The following AIG1 variants were observed in gnomAD, a reference collection of about 807,000 sequenced individuals.
The protein encoded by AIG1 is androgen induced 1.
AIG1 carries 23 observed loss-of-function variants against 31.4 expected under a neutral mutation model. The observed-to-expected ratio is 0.73, with a 90% CI of 0.53 to 1.04. The LOEUF is 1.04. Ranked by LOEUF, AIG1 falls within the 50% of genes least tolerant of loss-of-function variation. AIG1 has a pLI of 0.00. For missense variants in AIG1, 274 were observed against 295.0 expected, an observed-to-expected ratio of 0.93 and a Z score of 0.52; for synonymous variants, 100 against 110.5, an observed-to-expected ratio of 0.90 and a Z score of 0.60.
At chr6:143,308,782 T>C (rs1230153889) in intron 4 of AIG1, among the ~76,000 whole-genome samples, 4 of 152,200 alleles carry the variant, frequency 2.6e-5, no homozygotes, top group Non-Finnish European at 5.9e-5. Context: ...TGAAAACATT[T>C]ATGAATGAGT....
intron 3 of AIG1, among the ~76,000 whole-genome samples, chr6:143,209,440 G>A (rs758695675): frequency 3.5e-4 from 54 of 152,154 alleles, no homozygotes; most frequent in Non-Finnish European, 7.3e-4. Flanking sequence ...TATCTCAGGG[G>A]GCCTATTGTA....
intron 4 of AIG1, among the ~76,000 whole-genome samples, chr6:143,332,376 A>G (rs1302121112): frequency 6.6e-6 from 1 of 152,228 alleles, no homozygotes; most frequent in African/African-American, 2.4e-5. Context: ...TCATGTCAGG[A>G]CCAAGCCAAT....
At chr6:143,246,281 A>C (rs904009336) in intron 3 of AIG1, among the ~76,000 whole-genome samples, 23 of 152,194 alleles carry the variant, frequency 1.5e-4, no homozygotes, top group Non-Finnish European at 2.9e-5. Context: ...CAAAAAAAAA[A>C]AAGAGGTTTA....
At chr6:143,311,426 A>G (rs557364727) in intron 4 of AIG1, among the ~76,000 whole-genome samples, 1 of 152,050 alleles carries the variant, frequency 6.6e-6, no homozygotes, top group South Asian at 2.1e-4. Context: ...TTGTGTATCA[A>G]TTTAAAAATA....
At chr6:143,252,642 G>A (rs1254386692) in intron 3 of AIG1, among the ~76,000 whole-genome samples, 1 of 152,200 alleles carries the variant, frequency 6.6e-6, no homozygotes. Context: ...AGTAAGGTCA[G>A]AATGGTTAGA....
rs1329963016 is a variant in AIG1, at chr6:143,293,583, C to T, written c.515+9358C>T. 3.3e-5 allele frequency among the ~76,000 whole-genome samples: 5 copies of T among 152,174 alleles called. No individual in the cohort carries two copies. Among genetic ancestry groups the T allele is most frequent in the African/African-American group, 1.2e-4 (5 of 41,428 alleles). On this transcript the variant is annotated intron_variant, in intron 4 of 5. Coordinates refer to ENST00000357847, the MANE Select transcript of AIG1 (RefSeq NM_016108.4). The surrounding 1 kb of genome is among the most constrained non-coding windows in gnomAD (Gnocchi z 4.8). Reference sequence around the variant, plus strand: ...TGGTCAAATCAGCTTCTTAGACCTGCATCTGGACAGAAAAGGCTTGTGTAT... The same window carrying T: ...TGGTCAAATCAGCTTCTTAGACCTGTATCTGGACAGAAAAGGCTTGTGTAT...
intron 3 of AIG1, among the ~76,000 whole-genome samples, chr6:143,259,975 G>A (rs537750196): frequency 6.6e-6 from 1 of 151,784 alleles, no homozygotes; most frequent in African/African-American, 2.4e-5. Flanking sequence ...CATTGGAGAA[G>A]GGAGTAATGA....
Position 143,329,154 on chromosome 6 carries a change from C to G in AIG1, c.516-4128C>G, listed in dbSNP as rs1776866700. 6.6e-6 allele frequency among the ~76,000 whole-genome samples: 1 copy of G among 152,204 alleles called. No homozygotes were observed. The highest frequency in any genetic ancestry group is 6.5e-5 in the Admixed American group (1 of 15,272). ...TATCTGAGATGGTTTGATGACCTAACAAGTTAAGAAAACCAAACCAAAACA... is the reference window on the plus strand; with the variant it reads ...TATCTGAGATGGTTTGATGACCTAAGAAGTTAAGAAAACCAAACCAAAACA... On this transcript the variant is annotated intron_variant, in intron 4 of 5. Transcript: ENST00000357847. The surrounding 1 kb of genome is among the most constrained non-coding windows in gnomAD (Gnocchi z 4.9).
At chr6:143,285,622 C>A (rs571593415) in intron 4 of AIG1, among the ~76,000 whole-genome samples, 1 of 151,932 alleles carries the variant, frequency 6.6e-6, no homozygotes, top group African/African-American at 2.4e-5. Context: ...CGAGATCACG[C>A]AACTGCACTC....
intron 3 of AIG1, among the ~76,000 whole-genome samples, chr6:143,184,035 A>G (rs1465179944): frequency 1.3e-5 from 2 of 152,314 alleles, no homozygotes; most frequent in East Asian, 1.9e-4. Flanking sequence ...TGCATTTTCT[A>G]TCATAGAACC....
intron 2 of AIG1, among the ~76,000 whole-genome samples, chr6:143,137,467 G>A (rs983559662): frequency 3.3e-5 from 5 of 152,162 alleles, no homozygotes; most frequent in African/African-American, 9.7e-5. Context: ...ACACAATTCA[G>A]TCTATCAGTT....
intron 1 of AIG1, among the ~76,000 whole-genome samples, chr6:143,109,634 A>G (rs6937052): frequency 0.11 from 16,081 of 151,900 alleles, 2,686 homozygotes; most frequent in African/African-American, 0.36. Context: ...GATCACTAGT[A>G]TTGTTAATCA....
intron 4 of AIG1, among the ~76,000 whole-genome samples, chr6:143,295,344 A>G (rs9496564): frequency 0.061 from 9,248 of 152,220 alleles, 748 homozygotes; most frequent in African/African-American, 0.18. Flanking sequence ...AACAAATGTC[A>G]TCATGCTACT....
intron 3 of AIG1, among the ~76,000 whole-genome samples, chr6:143,167,105 C>T (rs542520080): frequency 1.4e-3 from 215 of 152,248 alleles, no homozygotes; most frequent in African/African-American, 4.6e-3. Context: ...TAATTAGGTA[C>T]GTATTTTTAA....
rs1176523900 is a variant in AIG1, at chr6:143,297,698, G to T, written c.515+13473G>T. ...ATTCTTCATACTCTCTGATGCTCTA[G>T]CCCTCCTGGCAAGCTTTCATACACT... On this transcript the variant is annotated intron_variant, in intron 4 of 5. Coordinates refer to ENST00000357847, the MANE Select transcript of AIG1 (RefSeq NM_016108.4). The surrounding 1 kb of genome is among the most constrained non-coding windows in gnomAD (Gnocchi z 5.1). 6.6e-6 allele frequency among the ~76,000 whole-genome samples: 1 copy of T among 152,116 alleles called. No homozygotes were observed. Among genetic ancestry groups the T allele is most frequent in the African/African-American group, 2.4e-5 (1 of 41,408 alleles).
At chr6:143,082,766 G>A (rs1034665184) in intron 1 of AIG1, among the ~76,000 whole-genome samples, 12 of 152,136 alleles carry the variant, frequency 7.9e-5, no homozygotes, top group African/African-American at 2.9e-4. Flanking sequence ...TTGCAAGCTG[G>A]TCCTTCGGAC....
At chr6:143,124,582 A>G (rs1032822176) in intron 1 of AIG1, among the ~76,000 whole-genome samples, 1 of 152,210 alleles carries the variant, frequency 6.6e-6, no homozygotes, top group Middle Eastern at 3.4e-3. Context: ...CACCTTTTCC[A>G]GTGAGGTCTT....
downstream of AIG1, chr6:143,342,833 A>T (rs879044925): frequency 6.2e-6 from 5 of 807,138 alleles, no homozygotes; most frequent in Non-Finnish European, 1.1e-5. Flanking sequence ...TGATATTTCA[A>T]ATCTAATCCA....
chr6:143,277,883 T>G (rs1203477812), intron 3 of AIG1, among the ~76,000 whole-genome samples: 1 of 152,234 alleles, frequency 6.6e-6, no homozygotes, highest in Non-Finnish European at 1.5e-5. Flanking sequence ...AATTTTTGTG[T>G]TGTACACTCT....
Sources: allele counts gnomAD v4.1 joint callset (sites outside exome capture counted in the v4.1 genomes callset), GRCh38; gene constraint gnomAD v4.1.1; non-coding constraint Gnocchi (gnomAD v3.1); transcripts MANE v1.5; gene names NCBI Gene and HGNC (gene_info 2026-07-23, HGNC 2026-07-21).